Variants in LRRC49 observed in about 807,000 individuals in gnomAD.
LRRC49 encodes the protein leucine rich repeat containing 49.
Under a neutral mutation model 83.3 loss-of-function variants are expected in LRRC49, and 50 were observed. The ratio of observed to expected loss-of-function variants is 0.60; its 90% CI spans 0.48 to 0.76. LRRC49 has a LOEUF of 0.76. LRRC49 is among the 30% of genes least tolerant of loss of function. The pLI, the probability that LRRC49 is intolerant of heterozygous loss-of-function variation, is 0.00. For synonymous variants in LRRC49, 286 were observed against 283.3 expected (o/e 1.01, Z -0.10); for missense variants, 704 against 809.1 (o/e 0.87, Z 1.58).
intron 8 of LRRC49, among the ~76,000 whole-genome samples, chr15:70,944,904 C>T (rs1349317231): frequency 1.3e-5 from 2 of 152,134 alleles, no homozygotes; most frequent in Admixed American, 6.5e-5. Context: ...ATTGAGGTCT[C>T]TTCACTCTAT....
rs572586316 is a variant in LRRC49, at chr15:70,995,841, A to G, written c.1169+11584A>G. Among the ~76,000 whole-genome samples the G allele has an allele frequency of 1.1e-3, 169 of 152,290 alleles. 1 individual carries two copies. Among genetic ancestry groups the G allele is most frequent in the African/African-American group, 3.9e-3 (161 of 41,574 alleles). ...AAAGAGGAAGTATCTGTTAGTGAAA[A>G]TTGTTGTGCCTTATGCTTACTGCCA... On this transcript the variant is annotated intron_variant, in intron 11 of 15. Coordinates refer to ENST00000260382, the MANE Select transcript of LRRC49 (RefSeq NM_017691.5).
chr15:70,911,739 A>ATAGAAGATTTGGTAT (rs1168253151), intron 6 of LRRC49, 141 bp downstream of exon 6: 1 of 561,952 alleles, frequency 1.8e-6, no homozygotes, highest in African/African-American at 1.9e-5. Context: ...TATCAAGCTT[A>ATAGAAGATTTGGTAT]TTTATAGAAG....
At chr15:70,975,386 C>G (rs1244999937) in intron 9 of LRRC49, among the ~76,000 whole-genome samples, 1 of 152,086 alleles carries the variant, frequency 6.6e-6, no homozygotes, top group Non-Finnish European at 1.5e-5. Context: ...TGAATGCAGG[C>G]AGTATTCTCA....
chr15:70,982,807 G>T (rs2037451623), intron 10 of LRRC49, among the ~76,000 whole-genome samples: 1 of 152,114 alleles, frequency 6.6e-6, no homozygotes, highest in African/African-American at 2.4e-5. Context: ...AACAGAAATA[G>T]AACTTTTAAA....
intron 7 of LRRC49, among the ~76,000 whole-genome samples, chr15:70,932,571 C>G (rs2141151761): frequency 6.6e-6 from 1 of 152,178 alleles, no homozygotes; most frequent in South Asian, 2.1e-4. Context: ...TGTTGCATGT[C>G]AGAATCCTTG....
At chr15:71,037,066 T>C (rs553374136) in intron 14 of LRRC49, 113 bp from the exon 15 acceptor site, 2 of 707,836 alleles carry the variant, frequency 2.8e-6, no homozygotes, top group African/African-American at 1.8e-5. Flanking sequence ...CTCAAACTCA[T>C]TAAAATATAT....
chr15:70,915,611 C>T (rs1052365701), intron 6 of LRRC49, among the ~76,000 whole-genome samples: 4 of 152,112 alleles, frequency 2.6e-5, no homozygotes, highest in South Asian at 2.1e-4. Context: ...TCTAAGCTTG[C>T]GCTGACATTA....
chr15:70,932,790 C>T (rs189708981), intron 7 of LRRC49, among the ~76,000 whole-genome samples: 6 of 137,104 alleles, frequency 4.4e-5, no homozygotes, highest in Admixed American at 8.3e-5. Flanking sequence ...AGTACAGAGG[C>T]GCAATCTCGG....
chr15:70,914,982 C>G (rs2034704443), intron 6 of LRRC49, among the ~76,000 whole-genome samples: 1 of 152,198 alleles, frequency 6.6e-6, no homozygotes, highest in African/African-American at 2.4e-5. Context: ...TATTGGGACA[C>G]TCTCTGATCT....
At chr15:71,038,867 A>T (rs554790636) in intron 15 of LRRC49, among the ~76,000 whole-genome samples, 1 of 152,284 alleles carries the variant, frequency 6.6e-6, no homozygotes, top group Non-Finnish European at 1.5e-5. Flanking sequence ...TTCATTCAAA[A>T]ATCATGTATT....
intron 8 of LRRC49, among the ~76,000 whole-genome samples, chr15:70,950,119 C>T (rs2036164872): frequency 6.6e-6 from 1 of 152,042 alleles, no homozygotes. Context: ...CATCTGTATC[C>T]ATGTTGCTGC....
At chr15:70,918,834 G>A (rs2034895586) in intron 6 of LRRC49, 1 of 442,198 alleles carries the variant, frequency 2.3e-6, no homozygotes, top group Non-Finnish European at 4.0e-6. Context: ...GTTTACTATG[G>A]TCAAATTGTA....
At chr15:71,036,784 A>T (rs1488643649) in intron 14 of LRRC49, among the ~76,000 whole-genome samples, 1 of 152,208 alleles carries the variant, frequency 6.6e-6, no homozygotes, top group Non-Finnish European at 1.5e-5. Flanking sequence ...TAATGGAATT[A>T]TTAACCATTT....
At chr15:70,999,960 T>C (rs2038204017) in intron 11 of LRRC49, among the ~76,000 whole-genome samples, 1 of 152,184 alleles carries the variant, frequency 6.6e-6, no homozygotes, top group Non-Finnish European at 1.5e-5. Flanking sequence ...CCACCAAACA[T>C]GTCAAAACAC....
At chr15:70,930,150 C>T (rs1386461535) in intron 7 of LRRC49, among the ~76,000 whole-genome samples, 1 of 152,112 alleles carries the variant, frequency 6.6e-6, no homozygotes, top group African/African-American at 2.4e-5. Flanking sequence ...CAGCTAAAGC[C>T]TTATGAAATG....
intron 7 of LRRC49, among the ~76,000 whole-genome samples, chr15:70,924,322 A>G (rs1485943880): frequency 6.6e-6 from 1 of 151,920 alleles, no homozygotes; most frequent in East Asian, 1.9e-4. Context: ...AATTACTGAT[A>G]TGTTTAGATT....
chr15:70,984,434 T>C, intron 11 of LRRC49, 177 bp downstream of exon 11: 1 of 531,950 alleles, frequency 1.9e-6, no homozygotes, highest in Non-Finnish European at 3.1e-6. Context: ...ATTCTCCAAA[T>C]TAAAACATGC....
intron 1 of LRRC49, among the ~76,000 whole-genome samples, chr15:70,868,974 A>T (rs923614880): frequency 6.6e-6 from 1 of 152,244 alleles, no homozygotes; most frequent in Non-Finnish European, 1.5e-5. Context: ...CACAAAGATT[A>T]AAGTATAGGG....
At chr15:70,886,473 TA>T (rs2033410221) in intron 2 of LRRC49, among the ~76,000 whole-genome samples, 1 of 151,986 alleles carries the variant, frequency 6.6e-6, no homozygotes, top group Non-Finnish European at 1.5e-5. Flanking sequence ...GACAAAATTT[TA>T]AAAAGCAGAG....
Sources: gnomAD v4.1 joint callset for allele counts (sites outside exome capture counted in the v4.1 genomes callset) on GRCh38, gnomAD v4.1.1 for gene constraint, MANE v1.5 for transcripts, NCBI Gene and HGNC (gene_info 2026-07-23, HGNC 2026-07-21) for gene names.